CTXND2: variants seen among roughly 807,000 people sequenced by gnomAD.
The protein encoded by CTXND2 is cortexin domain containing 2.
chr1:150,897,560 C>T (rs587713506), intron 1 of CTXND2, among the ~76,000 whole-genome samples: 46 of 152,134 alleles, frequency 3.0e-4, no homozygotes, highest in Non-Finnish European at 4.3e-4. Context: ...CAAGCTCAAG[C>T]GATCCACCTG....
intron 1 of CTXND2, among the ~76,000 whole-genome samples, chr1:150,904,601 A>G (rs1669104690): frequency 6.6e-6 from 1 of 152,210 alleles, no homozygotes; most frequent in Admixed American, 6.5e-5. Flanking sequence ...TCACTGTCTC[A>G]GAACCAAGCA....
chr1:150,891,203 TTTTC>T (rs912782351), intron 1 of CTXND2, among the ~76,000 whole-genome samples: 1 of 139,228 alleles, frequency 7.2e-6, no homozygotes, highest in Non-Finnish European at 1.6e-5. Context: ...CTGATATTTC[TTTTC>T]TTTCTTTTTT....
chr1:150,899,899 T>C (rs1232082473), intron 1 of CTXND2, among the ~76,000 whole-genome samples: 1 of 152,150 alleles, frequency 6.6e-6, no homozygotes, highest in East Asian at 1.9e-4. Flanking sequence ...TAAAGGATTG[T>C]AAACACACCA....
rs587675090 is a variant in CTXND2, at chr1:150,905,143, CT to C, written c.-73-7080del. ...AAGGAACTTGCAGAATCTGCCAATT[CT>C]TTTTTTTTTTTTTTTTTTAGGCCGA... On this transcript the variant is annotated intron_variant, in intron 1 of 1. Coordinates refer to ENST00000636087, the Ensembl canonical transcript of CTXND2. 1.9e-3 allele frequency among the ~76,000 whole-genome samples: 215 copies of C among 114,700 alleles called. 1 individual carries two copies. Among genetic ancestry groups the C allele is most frequent in the Middle Eastern group, 4.5e-3 (1 of 222 alleles). The allele number at this position is 114,700 out of a possible 152,430, so 75.2% of individuals were successfully genotyped here.
At chr1:150,901,247 GACTT>G (rs1485066665) in intron 1 of CTXND2, among the ~76,000 whole-genome samples, 13 of 152,204 alleles carry the variant, frequency 8.5e-5, no homozygotes, top group African/African-American at 2.9e-4. Flanking sequence ...AAATTGAAAA[GACTT>G]AAGCAAATGG....
chr1:150,910,120 GTT>G (rs1023134562), intron 1 of CTXND2, among the ~76,000 whole-genome samples: 3 of 131,236 alleles, frequency 2.3e-5, no homozygotes, highest in Admixed American at 7.7e-5. Flanking sequence ...TCTTTTTTCT[GTT>G]TTTTTTTTTT....
At chr1:150,902,031 C>T (rs779461748) in intron 1 of CTXND2, among the ~76,000 whole-genome samples, 26 of 151,858 alleles carry the variant, frequency 1.7e-4, no homozygotes, top group Non-Finnish European at 2.9e-4. Context: ...TTTGGGAGGC[C>T]GAGGCAGGCG....
At chr1:150,900,990 T>C (rs1252727970) in intron 1 of CTXND2, among the ~76,000 whole-genome samples, 1 of 152,144 alleles carries the variant, frequency 6.6e-6, no homozygotes, top group Non-Finnish European at 1.5e-5. Flanking sequence ...CATGCACCTG[T>C]AGTCCCAGTT....
At chr1:150,901,078 C>T (rs1273012405) in intron 1 of CTXND2, among the ~76,000 whole-genome samples, 3 of 152,032 alleles carry the variant, frequency 2.0e-5, no homozygotes, top group Non-Finnish European at 4.4e-5. Context: ...TGCCACTGCA[C>T]TCCAGCCTGG....
At chr1:150,907,271 C>T (rs1032144057) in intron 1 of CTXND2, among the ~76,000 whole-genome samples, 4 of 152,202 alleles carry the variant, frequency 2.6e-5, no homozygotes, top group African/African-American at 9.6e-5. Flanking sequence ...ACCATTACCA[C>T]AGTTGTAGAA....
chr1:150,902,940 C>T (rs1669067679), intron 1 of CTXND2, among the ~76,000 whole-genome samples: 1 of 152,004 alleles, frequency 6.6e-6, no homozygotes, highest in African/African-American at 2.4e-5. Context: ...AACCTATTGC[C>T]TCTTTACTCT....
chr1:150,888,830 G>A (rs1315240053), intron 1 of CTXND2, among the ~76,000 whole-genome samples: 1 of 151,780 alleles, frequency 6.6e-6, no homozygotes, highest in African/African-American at 2.4e-5. Flanking sequence ...AGCTGGGAGG[G>A]ACTATAGGTG....
intron 1 of CTXND2, among the ~76,000 whole-genome samples, chr1:150,901,683 G>A (rs190822972): frequency 6.6e-6 from 1 of 152,290 alleles, no homozygotes; most frequent in East Asian, 1.9e-4. Flanking sequence ...GGGAGGCCGA[G>A]GCGGGCAGAT....
intron 1 of CTXND2, among the ~76,000 whole-genome samples, chr1:150,902,443 C>G (rs1246553601): frequency 6.6e-6 from 1 of 151,946 alleles, no homozygotes; most frequent in Non-Finnish European, 1.5e-5. Flanking sequence ...TGGCACACGC[C>G]TGTAATCTCA....
intron 1 of CTXND2, among the ~76,000 whole-genome samples, chr1:150,908,882 C>T (rs1669198720): frequency 6.6e-6 from 1 of 151,964 alleles, no homozygotes; most frequent in South Asian, 2.1e-4. Flanking sequence ...CCTCATCCTC[C>T]CAAAGTGCTG....
exon 2 of CTXND2, chr1:150,912,592 A>G (rs922350558): frequency 2.5e-5 from 10 of 396,998 alleles, no homozygotes; most frequent in Non-Finnish European, 4.0e-5. Context: ...CTTGCATTCC[A>G]CAGTGAGATG....
chr1:150,901,448 T>G (rs1337534513), intron 1 of CTXND2, among the ~76,000 whole-genome samples: 1 of 152,282 alleles, frequency 6.6e-6, no homozygotes, highest in South Asian at 2.1e-4. Context: ...CAAACACTCT[T>G]GAAAATGAAG....
intron 1 of CTXND2, among the ~76,000 whole-genome samples, chr1:150,903,113 A>C (rs1279631996): frequency 6.6e-6 from 1 of 152,184 alleles, no homozygotes. Flanking sequence ...GCTGTAATTG[A>C]AACAGAAATA....
chr1:150,891,253 C>T (rs199674287), intron 1 of CTXND2, among the ~76,000 whole-genome samples: 3 of 151,162 alleles, frequency 2.0e-5, no homozygotes, highest in Middle Eastern at 3.4e-3. Flanking sequence ...CTCGCTCTGT[C>T]GCCCAGGCTG....
Sources: allele counts gnomAD v4.1 joint callset (sites outside exome capture counted in the v4.1 genomes callset), GRCh38; gene constraint gnomAD v4.1.1; transcripts MANE v1.5; gene names NCBI Gene and HGNC (gene_info 2026-07-23, HGNC 2026-07-21).